OSBPL1A: variants seen among roughly 807,000 people sequenced by gnomAD.
OSBPL1A encodes the protein oxysterol-binding protein-related protein 1.
In OSBPL1A, 80 loss-of-function variants were observed where a neutral mutation model predicts 137.1. That is an observed-to-expected ratio of 0.58 (90% CI 0.49 to 0.70). The LOEUF is 0.70. Ranked by LOEUF, OSBPL1A falls within the 30% of genes least tolerant of loss-of-function variation. The probability of loss-of-function intolerance (pLI) is 0.00; values close to 1 mark genes in which losing one functional copy is unlikely to be tolerated. For missense variants in OSBPL1A, 970 were observed against 1,129.4 expected (o/e 0.86, Z 2.02); for synonymous variants, 365 against 389.7 (o/e 0.94, Z 0.75).
At chr18:24,356,533 C>T (rs964864776) in intron 4 of OSBPL1A, among the ~76,000 whole-genome samples, 2 of 152,092 alleles carry the variant, frequency 1.3e-5, no homozygotes, top group African/African-American at 4.8e-5. Flanking sequence ...AGGTCTGGCT[C>T]ACGGTGCGGG....
In OSBPL1A at chr18:24,238,916, A is replaced by AC. The variant is rs1161313053; in HGVS notation, c.1444+303_1444+304insG. Among the ~76,000 whole-genome samples, 9 of 152,332 alleles carry AC rather than the reference A, an allele frequency of 5.9e-5. No individual in the cohort carries two copies. The South Asian group carries it at 1.7e-3, about 28-fold the overall frequency. On this transcript the variant is annotated intron_variant, in intron 16 of 27. Transcript: ENST00000319481. Reference sequence around the variant, plus strand: ...ATATGTGCTAATGCCTGGCACTAGGAAATGGTCACCCAGTAAAGGACAAAT... The same window carrying AC: ...ATATGTGCTAATGCCTGGCACTAGGACAATGGTCACCCAGTAAAGGACAAAT...
rs557831777 is a variant in OSBPL1A at position 24,350,258 on chromosome 18, C to A, written c.283-8600G>T. On this transcript the variant is annotated intron_variant, in intron 4 of 27. Transcript: ENST00000319481. ...TTTGTCCCTTTTTTGCTTCCCCTAG[C>A]CTGCTTCCTGGGATTGGGATGCTCC... Among the ~76,000 whole-genome samples, 66 of 152,314 alleles carry A rather than the reference C, an allele frequency of 4.3e-4. No individual in the cohort carries two copies. The South Asian group carries it at 0.011, about 25-fold the overall frequency.
At chr18:24,281,726 T>C (rs1265669657) in intron 14 of OSBPL1A, among the ~76,000 whole-genome samples, 1 of 152,156 alleles carries the variant, frequency 6.6e-6, no homozygotes, top group Non-Finnish European at 1.5e-5. Context: ...AAGCACACGC[T>C]TTATTTAGGG....
At chr18:24,327,116 T>TC (rs1031354951) in intron 7 of OSBPL1A, among the ~76,000 whole-genome samples, 5 of 150,618 alleles carry the variant, frequency 3.3e-5, no homozygotes, top group African/African-American at 1.2e-4. Flanking sequence ...TTTTTCTTTT[T>TC]TTTTTTTTTG....
intron 14 of OSBPL1A, among the ~76,000 whole-genome samples, chr18:24,301,920 T>G (rs897934794): frequency 6.6e-6 from 1 of 152,176 alleles, no homozygotes; most frequent in African/African-American, 2.4e-5. Context: ...TAAAGGAAAC[T>G]AACATGTGAT....
intron 8 of OSBPL1A, 47 bp from the exon 9 acceptor site, chr18:24,318,692 C>A: frequency 6.3e-7 from 1 of 1,599,344 alleles, no homozygotes; most frequent in South Asian, 1.1e-5. Flanking sequence ...ATATTTCAAA[C>A]ATTCAAAAAT....
At chr18:24,318,300 C>T (rs1335683668) in intron 9 of OSBPL1A, among the ~76,000 whole-genome samples, 2 of 151,992 alleles carry the variant, frequency 1.3e-5, no homozygotes, top group Non-Finnish European at 2.9e-5. Context: ...AAAAATTAGC[C>T]AGGCACGGTG....
chr18:24,234,048 A>G (rs529612087), intron 16 of OSBPL1A, among the ~76,000 whole-genome samples: 1 of 152,334 alleles, frequency 6.6e-6, no homozygotes, highest in Non-Finnish European at 1.5e-5. Flanking sequence ...GGAGTCAGGA[A>G]AGGCTACCCA....
intron 15 of OSBPL1A, among the ~76,000 whole-genome samples, chr18:24,243,635 G>A (rs1233253156): frequency 2.6e-5 from 4 of 152,164 alleles, no homozygotes; most frequent in East Asian, 1.9e-4. Flanking sequence ...AGCTGCTACC[G>A]CATTCACATC....
rs537886003 is a variant in OSBPL1A at position 24,199,786 on chromosome 18, G to A, written c.1602-3586C>T. ...TAGGAGATGAGAGAGGCCTCTTAAG[G>A]AAGGGTTTCAGACAGAGGCTGGAGG... On this transcript the variant is annotated intron_variant, in intron 17 of 27. Transcript: ENST00000319481. Among the ~76,000 whole-genome samples the A allele has an allele frequency of 3.9e-5, 6 of 152,282 alleles. No individual in the cohort carries two copies. In the East Asian group the frequency reaches 5.8e-4, roughly 15 times the overall value.
chr18:24,364,682 C>T (rs2091676211), intron 4 of OSBPL1A: 1 of 151,778 alleles, frequency 6.6e-6, no homozygotes, highest in Non-Finnish European at 1.5e-5. Context: ...CAGATTAAAG[C>T]CAGGCTGGTT....
intron 22 of OSBPL1A, among the ~76,000 whole-genome samples, chr18:24,172,002 G>A (rs966913454): frequency 2.0e-5 from 3 of 150,198 alleles, no homozygotes; most frequent in South Asian, 4.2e-4. Context: ...GTGCAGTGGC[G>A]CTATCTCGGC....
At chr18:24,170,265 A>G in intron 24 of OSBPL1A, 62 bp downstream of exon 24, 1 of 1,580,348 alleles carries the variant, frequency 6.3e-7, no homozygotes, top group Non-Finnish European at 8.6e-7. Flanking sequence ...CCACCTCCAA[A>G]AGGATTAGTA....
At chr18:24,258,333 G>A (rs1242552130) in intron 15 of OSBPL1A, among the ~76,000 whole-genome samples, 3 of 152,148 alleles carry the variant, frequency 2.0e-5, no homozygotes, top group African/African-American at 7.2e-5. Flanking sequence ...GGATGGAACT[G>A]GATGTTGTCA....
chr18:24,297,752 G>C (rs1427414805), intron 14 of OSBPL1A, among the ~76,000 whole-genome samples: 1 of 152,150 alleles, frequency 6.6e-6, no homozygotes, highest in Admixed American at 6.5e-5. Flanking sequence ...GGTCTGAGAA[G>C]ATATTTGATA....
chr18:24,171,393 A>C lies in OSBPL1A; in HGVS notation c.2291+16T>G, dbSNP rs777972443. 2 of 1,581,654 alleles carry C rather than the reference A, an allele frequency of 1.3e-6. No individual in the cohort carries two copies. The highest frequency in any genetic ancestry group is 1.7e-6 in the Non-Finnish European group (2 of 1,156,686). ...ACAAAATCTATACTATTCAACATTT[A>C]AAAGAGAAATTTTACCTTTTATCTT... On this transcript the variant is annotated intron_variant, in intron 23 of 27. Coordinates refer to ENST00000319481, the MANE Select transcript of OSBPL1A (RefSeq NM_080597.4).
At chr18:24,311,472 A>C (rs976454006) in intron 13 of OSBPL1A, 18 of 985,698 alleles carry the variant, frequency 1.8e-5, no homozygotes, top group Non-Finnish European at 2.2e-5. Context: ...ATATTCCTCT[A>C]GGGATAAGGC....
chr18:24,256,136 T>A (rs182909744), intron 15 of OSBPL1A, among the ~76,000 whole-genome samples: 253 of 152,290 alleles, frequency 1.7e-3, no homozygotes, highest in Middle Eastern at 3.4e-3. Context: ...GATTTTTGAA[T>A]CCACATGTTG....
At chr18:24,293,505 A>G (rs368782530) in intron 14 of OSBPL1A, among the ~76,000 whole-genome samples, 3 of 152,364 alleles carry the variant, frequency 2.0e-5, no homozygotes, top group East Asian at 3.9e-4. Context: ...TACACAAAGC[A>G]GGGCAGAGCA....
Sources: allele counts gnomAD v4.1 joint callset (sites outside exome capture counted in the v4.1 genomes callset), GRCh38; gene constraint gnomAD v4.1.1; transcripts MANE v1.5; gene names NCBI Gene and HGNC (gene_info 2026-07-23, HGNC 2026-07-21).